FRMPD3: variants seen among roughly 807,000 people sequenced by gnomAD.
The protein encoded by FRMPD3 is FERM and PDZ domain containing 3.
In FRMPD3, 42 loss-of-function variants were observed where a neutral mutation model predicts 97.9. That is an observed-to-expected ratio of 0.43 (90% CI 0.34 to 0.55). The LOEUF (loss-of-function observed/expected upper bound fraction) is 0.55, where lower values mean the gene tolerates loss of function less well. Among genes scored for constraint, FRMPD3 ranks in the 20% least tolerant of loss-of-function variants. The pLI is 0.03. For synonymous variants in FRMPD3, 577 were observed against 581.1 expected, an observed-to-expected ratio of 0.99 and a Z score of 0.10; for missense variants, 1,303 against 1,457.7, an observed-to-expected ratio of 0.89 and a Z score of 1.73.
intron 1 of FRMPD3, among the ~76,000 whole-genome samples, chrX:107,512,160 A>G (rs1356498878): frequency 3.6e-5 from 4 of 109,983 alleles, no homozygotes; most frequent in Non-Finnish European, 7.6e-5. Flanking sequence ...GCCGTTTCTG[A>G]TTTGCCCCTT....
chrX:107,597,520 C>T lies in FRMPD3; in HGVS notation c.1641C>T (p.Asn547=), dbSNP rs766326949. Residue 547 remains asparagine, a synonymous_variant, in exon 14 of 15, where the codon AAC becomes AAT. Coordinates refer to ENST00000683843, the MANE Select transcript of FRMPD3 (RefSeq NM_001388459.1). The stretch of plus-strand genomic sequence containing the variant: ...AGCAGGAAAGCCGGACAGATGTCAA[C>T]GAGAACCTAATCTTCTTTGAGGAGA... ...RKEQESRTDV[N]ENLIFFEETR... The T allele has an allele frequency of 6.6e-6, 8 of 1,208,984 alleles. No homozygotes were observed. The highest frequency in any genetic ancestry group is 2.3e-4 in the Middle Eastern group (1 of 4,354).
chrX:107,583,239 G>A (rs1039770545), intron 13 of FRMPD3, among the ~76,000 whole-genome samples: 2 of 106,507 alleles, frequency 1.9e-5, no homozygotes, highest in African/African-American at 6.9e-5. Flanking sequence ...CCCTCCCCTC[G>A]CTCCCCCACC....
intron 4 of FRMPD3, among the ~76,000 whole-genome samples, chrX:107,537,766 T>A (rs143224660): frequency 1.8e-5 from 2 of 111,719 alleles, no homozygotes; most frequent in Non-Finnish European, 3.8e-5. Flanking sequence ...CTTACCTACA[T>A]GTGCAGTCGA....
intron 1 of FRMPD3, among the ~76,000 whole-genome samples, chrX:107,523,841 A>G (rs1235655316): frequency 8.9e-6 from 1 of 112,278 alleles, no homozygotes; most frequent in East Asian, 2.8e-4. Context: ...TTTTCTTCAG[A>G]AGTGGTAGTA....
Position 107,600,650 on chromosome X carries a change from C to T in FRMPD3, c.2611C>T (p.Arg871Ter). The T allele has an allele frequency of 1.7e-6, 2 of 1,206,631 alleles. No homozygotes were observed. Among genetic ancestry groups the T allele is most frequent in the Non-Finnish European group, 2.2e-6 (2 of 893,215 alleles). The change falls in exon 15 of 15, where the codon CGA becomes TGA. Residue 871 changes from arginine to a stop codon, truncating the protein, a stop_gained. Transcript: ENST00000683843. LOFTEE classifies it high-confidence loss of function. Reference sequence around the variant, plus strand: ...GTCAGAGGGCCAGGTACAGGGAGAACGAACATACTCCTTGGCAGTGCACCC... The same window carrying T: ...GTCAGAGGGCCAGGTACAGGGAGAATGAACATACTCCTTGGCAGTGCACCC... Reference protein sequence around the residue: ...PQSEGQVQGERTYSLAVHPAL... With the variant: ...PQSEGQVQGE
intron 1 of FRMPD3, among the ~76,000 whole-genome samples, chrX:107,517,830 A>AGGG (rs1569414552): frequency 1.3e-5 from 1 of 74,672 alleles, no homozygotes; most frequent in African/African-American, 5.6e-5. Flanking sequence ...GGAAGGAAGG[A>AGGG]AGGGAGGGAG....
intron 4 of FRMPD3, among the ~76,000 whole-genome samples, chrX:107,533,807 G>T (rs984672461): frequency 8.9e-6 from 1 of 112,197 alleles, no homozygotes. Flanking sequence ...GCTGCCCACT[G>T]CCTCAATTCC....
chrX:107,572,772 G>A (rs1009042305), intron 12 of FRMPD3, among the ~76,000 whole-genome samples: 1 of 109,145 alleles, frequency 9.2e-6, no homozygotes, highest in Non-Finnish European at 1.9e-5. Context: ...GGGTCATTCA[G>A]GGTGTCTCAT....
chrX:107,511,073 T>C (rs1360861923), intron 1 of FRMPD3, among the ~76,000 whole-genome samples: 1 of 112,300 alleles, frequency 8.9e-6, no homozygotes, highest in Non-Finnish European at 1.9e-5. Context: ...TAGACTGGCC[T>C]GCCCCTCTCT....
At chrX:107,560,678 G>C in intron 9 of FRMPD3, 49 bp from the exon 10 acceptor site, 1 of 1,135,531 alleles carries the variant, frequency 8.8e-7, no homozygotes, top group Non-Finnish European at 1.2e-6. Flanking sequence ...TCTTCTCTCT[G>C]TCCCACTTTG....
chrX:107,516,276 T>C (rs1202863765), intron 1 of FRMPD3, among the ~76,000 whole-genome samples: 2 of 110,654 alleles, frequency 1.8e-5, no homozygotes, highest in Non-Finnish European at 3.8e-5. Context: ...AGTCTATCAT[T>C]ATTGGACATT....
At chrX:107,450,562 CCACA>C (rs561898459) in intron 1 of FRMPD3, among the ~76,000 whole-genome samples, 12,276 of 84,090 alleles carry the variant, frequency 0.15, 999 homozygotes, top group East Asian at 0.43. Flanking sequence ...CATGCAAAGA[CCACA>C]CACACACACA....
intron 1 of FRMPD3, among the ~76,000 whole-genome samples, chrX:107,453,791 C>A (rs751417639): frequency 8.9e-6 from 1 of 111,787 alleles, no homozygotes; most frequent in Non-Finnish European, 1.9e-5. Flanking sequence ...GGCAGAGCAC[C>A]CTTTTCTGAG....
intron 1 of FRMPD3, among the ~76,000 whole-genome samples, chrX:107,460,447 G>A (rs775049486): frequency 3.6e-4 from 39 of 109,126 alleles, no homozygotes; most frequent in Admixed American, 8.8e-4. Flanking sequence ...CTGGAATGCA[G>A]TGGCACCACC....
chrX:107,463,425 T>C (rs1337221702), intron 1 of FRMPD3, among the ~76,000 whole-genome samples: 1 of 112,404 alleles, frequency 8.9e-6, no homozygotes, highest in Non-Finnish European at 1.9e-5. Context: ...ACTTAACCTC[T>C]CTGAGACCCA....
intron 1 of FRMPD3, among the ~76,000 whole-genome samples, chrX:107,486,866 A>AAAG (rs1385828625): frequency 6.3e-5 from 7 of 111,459 alleles, no homozygotes; most frequent in Non-Finnish European, 1.9e-5. Flanking sequence ...TTGAAAAAAA[A>AAAG]AAGTACATTT....
chrX:107,473,598 G>A (rs1305401418), intron 1 of FRMPD3, among the ~76,000 whole-genome samples: 1 of 112,141 alleles, frequency 8.9e-6, no homozygotes, highest in African/African-American at 3.2e-5. Context: ...TTGCAGAGAA[G>A]TTTCTACTAC....
At chrX:107,539,386 A>C (rs1921184247) in intron 4 of FRMPD3, among the ~76,000 whole-genome samples, 1 of 112,319 alleles carries the variant, frequency 8.9e-6, no homozygotes, top group Non-Finnish European at 1.9e-5. Flanking sequence ...GATATTTATT[A>C]ATCTTGAAAT....
intron 13 of FRMPD3, among the ~76,000 whole-genome samples, chrX:107,591,204 C>G (rs1923885261): frequency 9.4e-6 from 1 of 106,921 alleles, no homozygotes; most frequent in African/African-American, 3.4e-5. Context: ...GTTGCCCAGG[C>G]TGGAGTGCAA....
Sources: allele counts gnomAD v4.1 joint callset (sites outside exome capture counted in the v4.1 genomes callset), GRCh38; gene constraint gnomAD v4.1.1; transcripts MANE v1.5; gene names NCBI Gene and HGNC (gene_info 2026-07-23, HGNC 2026-07-21).